Variants in KCNT2 observed in about 807,000 individuals in gnomAD.
KCNT2 encodes the protein potassium sodium-activated channel subfamily T member 2, also known as potassium channel subfamily T member 2.
In KCNT2, 67 loss-of-function variants were observed where a neutral mutation model predicts 153.8. That is an observed-to-expected ratio of 0.44 (90% CI 0.36 to 0.53). The LOEUF is 0.53. Ranked by LOEUF, KCNT2 falls within the 20% of genes least tolerant of loss-of-function variation. KCNT2 has a pLI of 0.00. For synonymous variants in KCNT2, 500 were observed against 458.8 expected, an observed-to-expected ratio of 1.09 and a Z score of -1.15; for missense variants, 975 against 1,354.8, an observed-to-expected ratio of 0.72 and a Z score of 4.40.
At chr1:196,393,136 AAGCATGGAAAG>A (rs897765063) in intron 13 of KCNT2, among the ~76,000 whole-genome samples, 21 of 151,470 alleles carry the variant, frequency 1.4e-4, no homozygotes, top group African/African-American at 5.1e-4. Flanking sequence ...ACTAAAAAAG[AAGCATGGAAAG>A]TAGATAATTC....
intron 8 of KCNT2, among the ~76,000 whole-genome samples, chr1:196,438,242 A>G (rs1674902409): frequency 6.6e-6 from 1 of 151,834 alleles, no homozygotes; most frequent in Admixed American, 6.6e-5. Context: ...AGTCTCATAA[A>G]GCTTTTGTTT....
At chr1:196,305,400 A>G in intron 21 of KCNT2, 55 bp from the exon 22 acceptor site, 1 of 947,222 alleles carries the variant, frequency 1.1e-6, no homozygotes, top group East Asian at 2.4e-5. Flanking sequence ...GGTATTTTTT[A>G]TAACAACATA....
At chr1:196,426,027 A>C (rs774676425) in intron 10 of KCNT2, 39 bp from the exon 11 acceptor site, 1 of 1,530,596 alleles carries the variant, frequency 6.5e-7, no homozygotes, top group African/African-American at 1.4e-5. Context: ...AGAAACAAAA[A>C]TGTTTTATGT....
intron 4 of KCNT2, among the ~76,000 whole-genome samples, chr1:196,480,131 T>A (rs150899568): frequency 1.3e-5 from 2 of 152,132 alleles, no homozygotes; most frequent in African/African-American, 4.8e-5. Context: ...GAAAAAATAA[T>A]AAAATTATTC....
intron 19 of KCNT2, among the ~76,000 whole-genome samples, chr1:196,326,083 T>G (rs1369583202): frequency 1.3e-5 from 2 of 152,118 alleles, no homozygotes; most frequent in Admixed American, 1.3e-4. Context: ...ATATTATAAT[T>G]TTAGAATAAA....
intron 14 of KCNT2, among the ~76,000 whole-genome samples, chr1:196,346,995 T>A (rs1347304480): frequency 2.6e-5 from 4 of 152,142 alleles, no homozygotes; most frequent in Non-Finnish European, 5.9e-5. Flanking sequence ...ATTTCACAGA[T>A]AAAGAAACTG....
chr1:196,484,760 C>T (rs1218360172), intron 3 of KCNT2, among the ~76,000 whole-genome samples: 1 of 152,014 alleles, frequency 6.6e-6, no homozygotes, highest in African/African-American at 2.4e-5. Context: ...CCAGTTTTCC[C>T]AGCACCATTT....
intron 2 of KCNT2, among the ~76,000 whole-genome samples, chr1:196,491,631 C>T (rs1679868412): frequency 6.6e-6 from 1 of 152,002 alleles, no homozygotes; most frequent in African/African-American, 2.4e-5. Context: ...GCACTCCTAA[C>T]CTTGAATAGG....
At chr1:196,517,863 A>G (rs1652809923) in intron 1 of KCNT2, among the ~76,000 whole-genome samples, 1 of 152,226 alleles carries the variant, frequency 6.6e-6, no homozygotes, top group African/African-American at 2.4e-5. Context: ...CTGTCCATGA[A>G]AAGTTTCCTA....
intron 19 of KCNT2, among the ~76,000 whole-genome samples, chr1:196,320,660 T>A (rs1402627244): frequency 6.6e-6 from 1 of 151,530 alleles, no homozygotes; most frequent in African/African-American, 2.4e-5. Context: ...GTCATCCTTC[T>A]AGCTCTTTAC....
At position 196,465,279 on chromosome 1, in the gene KCNT2, A is replaced by G. The variant is rs189702721; in HGVS notation, c.638+14T>C. The stretch of plus-strand genomic sequence containing the variant: ...AATGAAACATAACACAAATTCTGAT[A>G]TGTACAATCTTACCAGGTGAAGATA... On this transcript the variant is annotated intron_variant, in intron 8 of 27. Transcript: ENST00000294725. The G allele has an allele frequency of 6.9e-6, 9 of 1,296,096 alleles. No individual in the cohort carries two copies. In the African/African-American group the frequency reaches 1.0e-4, roughly 15 times the overall value. The allele number at this position is 1,296,096 out of a possible 1,614,324, so 80.3% of individuals were successfully genotyped here.
chr1:196,594,416 T>C (rs907058349), intron 1 of KCNT2, among the ~76,000 whole-genome samples: 1 of 152,162 alleles, frequency 6.6e-6, no homozygotes, highest in African/African-American at 2.4e-5. Flanking sequence ...ATTATAATAA[T>C]GTACACATAT....
intron 1 of KCNT2, among the ~76,000 whole-genome samples, chr1:196,551,831 T>C (rs1485562068): frequency 1.3e-5 from 2 of 151,632 alleles, no homozygotes; most frequent in Non-Finnish European, 3.0e-5. Flanking sequence ...TTTACCACAC[T>C]CTCTACCCTT....
chr1:196,597,930 T>C (rs2149022571), intron 1 of KCNT2, among the ~76,000 whole-genome samples: 1 of 152,288 alleles, frequency 6.6e-6, no homozygotes, highest in Non-Finnish European at 1.5e-5. Flanking sequence ...CATCCCTGCA[T>C]AGTGTTTTCA....
chr1:196,566,719 T>C (rs985201462), intron 1 of KCNT2, among the ~76,000 whole-genome samples: 2 of 152,134 alleles, frequency 1.3e-5, no homozygotes, highest in African/African-American at 4.8e-5. Flanking sequence ...TAAAGGACAT[T>C]GCTTCAGAAA....
At position 196,483,307 on chromosome 1, in the gene KCNT2, T is replaced by C. The variant is rs1679160047; in HGVS notation, c.276-928A>G. Among the ~76,000 whole-genome samples, 2 of 152,172 alleles carry C rather than the reference T, an allele frequency of 1.3e-5. 1 individual carries two copies. The highest frequency in any genetic ancestry group is 4.1e-4 in the South Asian group (2 of 4,828). ...AATATCTGCAGAATTCATCTGCTTCTTTTCGTCTCTACTACCACAATCACC... is the reference window on the plus strand; with the variant it reads ...AATATCTGCAGAATTCATCTGCTTCCTTTCGTCTCTACTACCACAATCACC... On this transcript the variant is annotated intron_variant, in intron 3 of 27. Coordinates refer to ENST00000294725, the MANE Select transcript of KCNT2 (RefSeq NM_198503.5).
intron 8 of KCNT2, among the ~76,000 whole-genome samples, chr1:196,453,313 G>A (rs1010453512): frequency 1.3e-5 from 2 of 151,714 alleles, no homozygotes; most frequent in Admixed American, 6.6e-5. Context: ...TCAGGTGGTC[G>A]CAGCAACATT....
intron 8 of KCNT2, among the ~76,000 whole-genome samples, chr1:196,446,915 T>C (rs181715374): frequency 6.6e-6 from 1 of 151,710 alleles, no homozygotes; most frequent in East Asian, 2.0e-4. Flanking sequence ...TACTACCACC[T>C]GTCTTTACCC....
At chr1:196,414,086 T>A (rs1483058224) in intron 12 of KCNT2, among the ~76,000 whole-genome samples, 1 of 151,376 alleles carries the variant, frequency 6.6e-6, no homozygotes, top group Admixed American at 6.6e-5. Context: ...ATCATATATA[T>A]AAAAAAAAGT....
Sources: gnomAD v4.1 joint callset for allele counts (sites outside exome capture counted in the v4.1 genomes callset) on GRCh38, gnomAD v4.1.1 for gene constraint, MANE v1.5 for transcripts, NCBI Gene and HGNC (gene_info 2026-07-23, HGNC 2026-07-21) for gene names.